The following AK4 variants were observed in gnomAD, a reference collection of about 807,000 sequenced individuals.
AK4 encodes the protein adenylate kinase 4, also known as adenylate kinase 4, mitochondrial.
AK4 carries 13 observed loss-of-function variants against 24.6 expected under a neutral mutation model. That is an observed-to-expected ratio of 0.53 (90% CI 0.34 to 0.84). AK4 has a LOEUF of 0.84. Ranked by LOEUF, AK4 falls within the 40% of genes least tolerant of loss-of-function variation. The pLI is 0.01. For missense variants in AK4, 192 were observed against 288.2 expected (o/e 0.67, Z 2.42); for synonymous variants, 88 against 107.0 (o/e 0.82, Z 1.10).
At chr1:65,196,730 T>G (rs1017929097) in intron 2 of AK4, among the ~76,000 whole-genome samples, 1 of 152,164 alleles carries the variant, frequency 6.6e-6, no homozygotes, top group African/African-American at 2.4e-5. Context: ...CTGCCCAAAG[T>G]GCTGGGATTA....
At chr1:65,165,779 T>C (rs1438198395) in intron 1 of AK4, among the ~76,000 whole-genome samples, 1 of 151,866 alleles carries the variant, frequency 6.6e-6, no homozygotes, top group East Asian at 1.9e-4. Context: ...CAGTAATGGA[T>C]AAAAGGGGAA....
intron 1 of AK4, among the ~76,000 whole-genome samples, chr1:65,165,469 G>C (rs2100999001): frequency 6.6e-6 from 1 of 151,986 alleles, no homozygotes; most frequent in Non-Finnish European, 1.5e-5. Flanking sequence ...GATCACTTGA[G>C]CTCAGGAGTT....
chr1:65,200,060 TAAG>T (rs1481014705), intron 2 of AK4, among the ~76,000 whole-genome samples: 1 of 152,244 alleles, frequency 6.6e-6, no homozygotes, highest in Non-Finnish European at 1.5e-5. Context: ...AGATGGGCAA[TAAG>T]AAGAAAGTGT....
At chr1:65,195,628 T>C (rs1390684882) in intron 2 of AK4, among the ~76,000 whole-genome samples, 1 of 152,198 alleles carries the variant, frequency 6.6e-6, no homozygotes, top group African/African-American at 2.4e-5. Context: ...TGCCACTTTC[T>C]GGCAGCCTGT....
At chr1:65,190,043 T>G (rs1275154669) in intron 1 of AK4, among the ~76,000 whole-genome samples, 1 of 152,192 alleles carries the variant, frequency 6.6e-6, no homozygotes, top group African/African-American at 2.4e-5. Flanking sequence ...CCTTTAGTCT[T>G]CTGTACATTG....
chr1:65,224,961 T>C (rs1461958119), intron 4 of AK4, 91 bp downstream of exon 4: 4 of 969,014 alleles, frequency 4.1e-6, no homozygotes, highest in Non-Finnish European at 6.4e-6. Flanking sequence ...CAGAGTAGTG[T>C]TTCTTTAAGA....
Position 65,229,052 on chromosome 1 carries a change from TAAAC to T in AK4, c.*2879_*2882del, listed in dbSNP as rs992194835. On this transcript the variant is annotated 3_prime_UTR_variant, in exon 5 of 5. Coordinates refer to ENST00000327299, the MANE Select transcript of AK4 (RefSeq NM_013410.4). ...TGAAACAGCCATGATTTCACGTTGA[TAAAC>T]AAAGAAGACAGGGGTCCCAGGGATG... The T allele has an allele frequency of 2.6e-5, 4 of 152,322 alleles. No homozygotes were observed. Among genetic ancestry groups the T allele is most frequent in the South Asian group, 2.1e-4 (1 of 4,826 alleles). 9.4% of individuals were successfully genotyped at this position (152,322 alleles called of 1,614,324 possible).
chr1:65,166,127 GTTAA>G (rs985152024), intron 1 of AK4: 2 of 152,224 alleles, frequency 1.3e-5, no homozygotes, highest in African/African-American at 4.8e-5. Flanking sequence ...TTTGGGGGAA[GTTAA>G]TTAAACTTGA....
chr1:65,187,332 A>G (rs955006224), intron 1 of AK4, among the ~76,000 whole-genome samples: 1 of 136,538 alleles, frequency 7.3e-6, no homozygotes, highest in Non-Finnish European at 1.5e-5. Context: ...TGGGTGACAG[A>G]GCGAGACTCC....
chr1:65,148,258 G>C lies in AK4; in HGVS notation c.-150G>C. On this transcript the variant is annotated 5_prime_UTR_variant, in exon 1 of 5. Transcript: ENST00000327299. ...GCTGAGGGGAGGGGTTGTCTTAAAA[G>C]TCTCTCCTTCCCCCTGTAGGGGCGG... 1 of 1,265,770 alleles carries C rather than the reference G, an allele frequency of 7.9e-7. No individual in the cohort carries two copies. Among genetic ancestry groups the C allele is most frequent in the Non-Finnish European group, 1.1e-6 (1 of 946,056 alleles). 78.4% of individuals were successfully genotyped at this position (1,265,770 alleles called of 1,614,324 possible). A position where few individuals can be genotyped will look rare whatever the true frequency, so the allele number is the denominator to read the frequency against.
chr1:65,185,831 T>G (rs1651079717), intron 1 of AK4, among the ~76,000 whole-genome samples: 1 of 152,108 alleles, frequency 6.6e-6, no homozygotes, highest in Non-Finnish European at 1.5e-5. Context: ...GTCAGGCTGG[T>G]CTCAAACTCC....
chr1:65,147,582 G>C (rs1158461882), upstream of AK4: 1 of 151,906 alleles, frequency 6.6e-6, no homozygotes, highest in East Asian at 1.9e-4. Flanking sequence ...CGGCCGGCCG[G>C]GGCTCCGCGA....
chr1:65,153,644 T>C (rs1418794018), intron 1 of AK4, among the ~76,000 whole-genome samples: 2 of 152,004 alleles, frequency 1.3e-5, no homozygotes, highest in Non-Finnish European at 2.9e-5. Flanking sequence ...TATAAAACGG[T>C]AGAAGAAATG....
chr1:65,177,451 C>T (rs1399876189), intron 1 of AK4, among the ~76,000 whole-genome samples: 2 of 152,212 alleles, frequency 1.3e-5, no homozygotes, highest in African/African-American at 2.4e-5. Flanking sequence ...GTCACACAGA[C>T]ACCCAGAGGA....
At chr1:65,191,600 AT>A (rs1651309730) in intron 2 of AK4, among the ~76,000 whole-genome samples, 1 of 150,954 alleles carries the variant, frequency 6.6e-6, no homozygotes, top group Non-Finnish European at 1.5e-5. Flanking sequence ...GGAATGAGTT[AT>A]CTTAGTATTT....
chr1:65,210,645 C>T (rs1359583002), intron 2 of AK4, among the ~76,000 whole-genome samples: 3 of 152,080 alleles, frequency 2.0e-5, no homozygotes, highest in East Asian at 1.9e-4. Flanking sequence ...TATTCTGTCT[C>T]CTAGTGTGTC....
intron 1 of AK4, among the ~76,000 whole-genome samples, chr1:65,189,655 G>GCACACACACACACA (rs71681774): frequency 7.4e-6 from 1 of 135,614 alleles, no homozygotes; most frequent in Admixed American, 7.2e-5. Context: ...ACATACGCGT[G>GCACACACACACACA]CACACACACA....
intron 2 of AK4, among the ~76,000 whole-genome samples, chr1:65,209,945 C>A (rs886493648): frequency 6.6e-6 from 1 of 151,956 alleles, no homozygotes; most frequent in Non-Finnish European, 1.5e-5. Context: ...GTAGCTGGGA[C>A]TAAAGGCATA....
intron 2 of AK4, among the ~76,000 whole-genome samples, chr1:65,206,022 A>G (rs995775260): frequency 6.6e-6 from 1 of 151,806 alleles, no homozygotes; most frequent in Non-Finnish European, 1.5e-5. Context: ...CGCTGGATAC[A>G]GATCCCTACA....
Sources: allele counts gnomAD v4.1 joint callset (sites outside exome capture counted in the v4.1 genomes callset), GRCh38; gene constraint gnomAD v4.1.1; transcripts MANE v1.5; gene names NCBI Gene and HGNC (gene_info 2026-07-23, HGNC 2026-07-21).